Variants in SIPA1L3 observed in about 807,000 individuals in gnomAD.
The protein encoded by SIPA1L3 is signal-induced proliferation-associated 1-like protein 3.
A neutral mutation model predicts 150.1 loss-of-function variants in SIPA1L3; 59 were observed. The ratio of observed to expected loss-of-function variants is 0.39; its 90% CI spans 0.32 to 0.49. SIPA1L3 has a LOEUF of 0.49. SIPA1L3 is among the 20% of genes least tolerant of loss of function. The pLI is 0.86. For synonymous variants in SIPA1L3, 1,070 were observed against 1,077.6 expected (o/e 0.99, Z 0.14); for missense variants, 2,211 against 2,489.5 (o/e 0.89, Z 2.38).
intron 1 of SIPA1L3, among the ~76,000 whole-genome samples, chr19:37,916,374 C>T (rs367912874): frequency 1.4e-4 from 21 of 151,694 alleles, no homozygotes; most frequent in East Asian, 1.4e-3. Flanking sequence ...GTGATGTGCA[C>T]CTATAATCCC....
chr19:38,125,860 C>G (rs1173930674), intron 9 of SIPA1L3, among the ~76,000 whole-genome samples: 1 of 152,202 alleles, frequency 6.6e-6, no homozygotes, highest in African/African-American at 2.4e-5. Context: ...TCATGGTGCT[C>G]CTCTCTGGGA....
intron 15 of SIPA1L3, among the ~76,000 whole-genome samples, chr19:38,170,030 G>C (rs1055933565): frequency 6.6e-6 from 1 of 150,574 alleles, no homozygotes; most frequent in African/African-American, 2.4e-5. Context: ...CTGGAGGGGG[G>C]CCAGGCAGAG....
chr19:38,194,924 G>A (rs1415670379), intron 18 of SIPA1L3, among the ~76,000 whole-genome samples: 1 of 152,186 alleles, frequency 6.6e-6, no homozygotes, highest in Non-Finnish European at 1.5e-5. Flanking sequence ...GGTGGCAGGT[G>A]CCTGTAATGC....
intron 1 of SIPA1L3, among the ~76,000 whole-genome samples, chr19:37,972,782 CTA>C (rs1012512311): frequency 1.3e-5 from 2 of 152,184 alleles, no homozygotes; most frequent in Non-Finnish European, 2.9e-5. Flanking sequence ...AGCATGAAAA[CTA>C]TAGTTTGCCT....
intron 1 of SIPA1L3, among the ~76,000 whole-genome samples, chr19:37,977,595 AG>A (rs1967106278): frequency 6.6e-6 from 1 of 151,868 alleles, no homozygotes; most frequent in African/African-American, 2.4e-5. Flanking sequence ...CCCCCCCCAC[AG>A]AAGTAGGAGG....
At chr19:38,038,616 A>G (rs1040551854) in intron 2 of SIPA1L3, among the ~76,000 whole-genome samples, 10 of 149,470 alleles carry the variant, frequency 6.7e-5, no homozygotes, top group African/African-American at 2.0e-4. Flanking sequence ...AGTCATGTGC[A>G]TGTTACAGTC....
At chr19:38,033,879 C>T (rs1221201070) in intron 2 of SIPA1L3, among the ~76,000 whole-genome samples, 2 of 152,102 alleles carry the variant, frequency 1.3e-5, no homozygotes, top group Non-Finnish European at 2.9e-5. Context: ...TGGGTGTGCG[C>T]CTTGAGCCAT....
intron 1 of SIPA1L3, among the ~76,000 whole-genome samples, chr19:37,922,288 A>G (rs1019029402): frequency 2.6e-5 from 4 of 151,476 alleles, no homozygotes; most frequent in South Asian, 2.1e-4. Flanking sequence ...GGGTTTCGCC[A>G]TGTTAACAAG....
At chr19:38,051,844 G>A (rs1003190179) in intron 2 of SIPA1L3, among the ~76,000 whole-genome samples, 2 of 152,172 alleles carry the variant, frequency 1.3e-5, no homozygotes, top group Admixed American at 6.5e-5. Context: ...TAGTGTTCCC[G>A]TCTTGGCCTC....
chr19:38,082,497 AG>A lies in SIPA1L3; in HGVS notation c.937del (p.Glu313ArgfsTer93). ...CGGAAGCTAAGGAGCAGCAAACCCG[AG>A]GGGGAGGCTGGGCGTTCCCCGGGGG... Reference protein sequence around the residue: ...IFRKLRSSKPEGEAGRSPGEA... With the variant: ...IFRKLRSSKPXGEAGRSPGEA... On this transcript the variant is annotated frameshift_variant, in exon 3 of 22. Transcript: ENST00000222345. LOFTEE classifies it high-confidence loss of function. 1 of 1,595,212 alleles carries A rather than the reference AG, an allele frequency of 6.3e-7. No homozygotes were observed.
chr19:38,153,190 G>C (rs1046846916), intron 13 of SIPA1L3, among the ~76,000 whole-genome samples: 2 of 152,250 alleles, frequency 1.3e-5, no homozygotes, highest in Non-Finnish European at 2.9e-5. Context: ...GGTGGCGTCT[G>C]CTCCCGCTGA....
chr19:38,193,171 C>A (rs989684250), intron 17 of SIPA1L3, among the ~76,000 whole-genome samples: 5 of 151,716 alleles, frequency 3.3e-5, no homozygotes, highest in African/African-American at 1.2e-4. Context: ...ATGAGACCCT[C>A]ATCTCTATAA....
chr19:38,114,618 A>T (rs1166574814), intron 8 of SIPA1L3, among the ~76,000 whole-genome samples: 1 of 152,290 alleles, frequency 6.6e-6, no homozygotes, highest in East Asian at 1.9e-4. Context: ...TCTTTGAAGC[A>T]TGTCCGCTCT....
Position 38,206,488 on chromosome 19 carries a change from G to A in SIPA1L3, c.*248G>A, listed in dbSNP as rs1054246116. 11 of 461,392 alleles carry A rather than the reference G, an allele frequency of 2.4e-5. No individual in the cohort carries two copies. The highest frequency in any genetic ancestry group is 3.4e-5 in the Non-Finnish European group (9 of 260,878). The allele number at this position is 461,392 out of a possible 1,614,324, so 28.6% of individuals were successfully genotyped here. ...AGCTGCCCAGCTGTGGTCCCGGTGA[G>A]CTGGGCTGTGCTTACACCGCTCCCG... On this transcript the variant is annotated 3_prime_UTR_variant, in exon 22 of 22. Coordinates refer to ENST00000222345, the MANE Select transcript of SIPA1L3 (RefSeq NM_015073.3).
intron 2 of SIPA1L3, among the ~76,000 whole-genome samples, chr19:38,071,404 A>G (rs1969721378): frequency 6.6e-6 from 1 of 152,058 alleles, no homozygotes; most frequent in South Asian, 2.1e-4. Flanking sequence ...CTGTTGCCTC[A>G]GCCTCCCAAG....
chr19:38,158,854 A>T (rs1169219040), intron 13 of SIPA1L3, among the ~76,000 whole-genome samples: 1 of 152,216 alleles, frequency 6.6e-6, no homozygotes, highest in Non-Finnish European at 1.5e-5. Context: ...ATGTTCAGTG[A>T]GAGGTGCCTG....
Position 37,936,155 on chromosome 19 carries a change from C to T in SIPA1L3, c.-379+28797C>T, listed in dbSNP as rs567440556. ...CCAAAGCCTTCCCTGAAATCTTTAG[C>T]AGACGTCTGCTTGTGACTATTTGGC... On this transcript the variant is annotated intron_variant, in intron 1 of 21. Coordinates refer to ENST00000222345, the MANE Select transcript of SIPA1L3 (RefSeq NM_015073.3). 5.3e-5 allele frequency among the ~76,000 whole-genome samples: 8 copies of T among 152,254 alleles called. No individual in the cohort carries two copies. The South Asian group carries it at 1.7e-3, about 32-fold the overall frequency.
chr19:38,168,161 C>T lies in SIPA1L3; in HGVS notation c.4208+3255C>T, dbSNP rs375812156. 2.8e-4 allele frequency among the ~76,000 whole-genome samples: 43 copies of T among 152,202 alleles called. 1 individual carries two copies. The highest frequency in any genetic ancestry group is 1.0e-3 in the African/African-American group (43 of 41,536). On this transcript the variant is annotated intron_variant, in intron 15 of 21. Transcript: ENST00000222345. ...CAGCACTTTGGGAGGCCGAGGTGGG[C>T]GGATCACCTGAGGTCAGGAGTTCGA...
At chr19:37,941,087 T>TACACACACACACACACACATAC (rs2046652041) in intron 1 of SIPA1L3, among the ~76,000 whole-genome samples, 1 of 128,570 alleles carries the variant, frequency 7.8e-6, no homozygotes. Context: ...CACACACACA[T>TACACACACACACACACACATAC]ACACACACAC....
Sources: gnomAD v4.1 joint callset for allele counts (sites outside exome capture counted in the v4.1 genomes callset) on GRCh38, gnomAD v4.1.1 for gene constraint, MANE v1.5 for transcripts, NCBI Gene and HGNC (gene_info 2026-07-23, HGNC 2026-07-21) for gene names.